The following ERAP1 variants were observed in gnomAD, a reference collection of about 807,000 sequenced individuals.
The protein encoded by ERAP1 is adipocyte-derived leucine aminopeptidase.
Under a neutral mutation model 103.7 loss-of-function variants are expected in ERAP1, and 86 were observed. That is an observed-to-expected ratio of 0.83 (90% CI 0.70 to 0.99). ERAP1 has a LOEUF of 0.99. Among genes scored for constraint, ERAP1 ranks in the 50% least tolerant of loss-of-function variants. ERAP1 has a pLI of 0.00. For missense variants in ERAP1, 1,009 were observed against 1,128.4 expected (o/e 0.89, Z 1.52); for synonymous variants, 398 against 402.4 (o/e 0.99, Z 0.13).
chr5:96,896,711 C>T, the ERAP1 span: 1 of 1,548,990 alleles, frequency 6.5e-7, no homozygotes, highest in Non-Finnish European at 8.7e-7. Context: ...CTTTTTTCAA[C>T]TCTTTTGTTT....
chr5:96,890,711 G>C, the ERAP1 span, among the ~76,000 whole-genome samples: 1 of 151,920 alleles, frequency 6.6e-6, no homozygotes, highest in African/African-American at 2.4e-5. Flanking sequence ...ACAGTTCCAG[G>C]CTTAAAAAAA....
chr5:96,805,015 G>C (rs1251827869), intron 1 of ERAP1: 1 of 151,114 alleles, frequency 6.6e-6, no homozygotes. Context: ...TCAAACATAA[G>C]TTTTTATTTC....
the ERAP1 span, among the ~76,000 whole-genome samples, chr5:96,889,671 G>A: frequency 6.6e-6 from 1 of 152,124 alleles, no homozygotes; most frequent in African/African-American, 2.4e-5. Flanking sequence ...GTTCAAAATA[G>A]GGGTCCACAT....
At chr5:96,903,323 G>A in the ERAP1 span, 1 of 1,381,870 alleles carries the variant, frequency 7.2e-7, no homozygotes, top group East Asian at 2.3e-5. Context: ...TTCTGGAGAT[G>A]TTCTGAATAA....
At chr5:96,908,593 G>T in the ERAP1 span, among the ~76,000 whole-genome samples, 13 of 152,176 alleles carry the variant, frequency 8.5e-5, no homozygotes, top group South Asian at 2.7e-3. Context: ...TGTGTAAAAA[G>T]TTTGATATTA....
intron 14 of ERAP1, 72 bp downstream of exon 14, chr5:96,783,852 C>CAT: frequency 2.7e-6 from 1 of 373,064 alleles, no homozygotes; most frequent in Non-Finnish European, 3.5e-6. Flanking sequence ...CACACACACA[C>CAT]ACATACACAC....
intron 18 of ERAP1, among the ~76,000 whole-genome samples, chr5:96,777,423 G>A (rs1334912422): frequency 6.6e-6 from 1 of 152,170 alleles, no homozygotes; most frequent in African/African-American, 2.4e-5. Flanking sequence ...AGAAATCCAT[G>A]TCATAATACC....
At chr5:96,829,568 C>A in the ERAP1 span, among the ~76,000 whole-genome samples, 66 of 152,298 alleles carry the variant, frequency 4.3e-4, no homozygotes, top group Non-Finnish European at 8.5e-4. Context: ...ACATTGTCGT[C>A]CATAAGAAAA....
rs1561281211 is a variant in ERAP1 at position 96,797,218 on chromosome 5, G to A, written c.755C>T (p.Ser252Leu). The A allele has an allele frequency of 6.2e-7, 1 of 1,614,156 alleles. No individual in the cohort carries two copies. The highest frequency in any genetic ancestry group is 8.5e-7 in the Non-Finnish European group (1 of 1,180,036). The stretch of plus-strand genomic sequence containing the variant: ...TATCTTGCTGACAGACTCAAAATCT[G>A]AAATGATGAAGGCCACCAGATAGGT... ...MSTYLVAFIISDFESVSKITK... is the reference protein window; with the variant it reads ...MSTYLVAFIILDFESVSKITK... The change falls in exon 4 of 19, where the codon TCA becomes TTA. Residue 252 changes from serine to leucine, a missense_variant. Coordinates refer to ENST00000443439, the MANE Select transcript of ERAP1 (RefSeq NM_001040458.3).
chr5:96,887,911 AG>A, the ERAP1 span, among the ~76,000 whole-genome samples: 1 of 152,138 alleles, frequency 6.6e-6, no homozygotes, highest in Non-Finnish European at 1.5e-5. Flanking sequence ...AGATCGCCTG[AG>A]GTCAGGAGTT....
chr5:96,809,730 C>T (rs1185080648), upstream of ERAP1, among the ~76,000 whole-genome samples: 6 of 152,040 alleles, frequency 3.9e-5, no homozygotes, highest in East Asian at 3.8e-4. Flanking sequence ...CAATGGATAG[C>T]GTGTAGCCTC....
chr5:96,901,564 A>G, the ERAP1 span: 1 of 1,614,122 alleles, frequency 6.2e-7, no homozygotes, highest in South Asian at 1.1e-5. Context: ...TGGACTCTCC[A>G]GAAAGGAATC....
chr5:96,779,334 G>T (rs1273379983), intron 18 of ERAP1: 1 of 152,220 alleles, frequency 6.6e-6, no homozygotes, highest in East Asian at 1.9e-4. Context: ...CTTGTCTATA[G>T]ATGACTACCT....
the ERAP1 span, among the ~76,000 whole-genome samples, chr5:96,908,211 G>A: frequency 6.6e-5 from 10 of 152,144 alleles, no homozygotes; most frequent in Non-Finnish European, 1.5e-4. Flanking sequence ...TGGGAGTTGG[G>A]TGTTCACAAG....
the ERAP1 span, chr5:96,892,458 T>C: frequency 6.2e-7 from 1 of 1,613,746 alleles, no homozygotes; most frequent in Non-Finnish European, 8.5e-7. Context: ...CACCAGGTAC[T>C]TGGCACTCAT....
chr5:96,833,814 A>G, the ERAP1 span, among the ~76,000 whole-genome samples: 1 of 152,034 alleles, frequency 6.6e-6, no homozygotes, highest in African/African-American at 2.4e-5. Flanking sequence ...AAAGAAAAGA[A>G]AAAGAAGATA....
At chr5:96,922,493 T>G in the ERAP1 span, among the ~76,000 whole-genome samples, 2 of 152,166 alleles carry the variant, frequency 1.3e-5, no homozygotes, top group Non-Finnish European at 2.9e-5. Flanking sequence ...TTTCTTTCTA[T>G]TCATATCTTC....
chr5:96,929,642 C>T, the ERAP1 span, among the ~76,000 whole-genome samples: 1 of 152,068 alleles, frequency 6.6e-6, no homozygotes, highest in Non-Finnish European at 1.5e-5. Flanking sequence ...GTAGCTGGGA[C>T]TACAGGCATG....
the ERAP1 span, among the ~76,000 whole-genome samples, chr5:96,886,481 C>T: frequency 0.51 from 77,476 of 151,622 alleles, 19,959 homozygotes; most frequent in Middle Eastern, 0.6. Flanking sequence ...GGGGTAAAAG[C>T]AATGGAGGTA....
Sources: allele counts gnomAD v4.1 joint callset (sites outside exome capture counted in the v4.1 genomes callset), GRCh38; gene constraint gnomAD v4.1.1; transcripts MANE v1.5; gene names NCBI Gene and HGNC (gene_info 2026-07-23, HGNC 2026-07-21).